Variants in DGKI observed in about 807,000 individuals in gnomAD.
DGKI encodes the protein DAG kinase iota.
In DGKI, 55 loss-of-function variants were observed where a neutral mutation model predicts 147.5. The ratio of observed to expected loss-of-function variants is 0.37; its 90% CI spans 0.30 to 0.47. DGKI has a LOEUF of 0.47. Among genes scored for constraint, DGKI ranks in the 20% least tolerant of loss-of-function variants. The pLI, the probability that DGKI is intolerant of heterozygous loss-of-function variation, is 1.00. For missense variants in DGKI, 1,007 were observed against 1,323.8 expected (o/e 0.76, Z 3.71); for synonymous variants, 469 against 477.1 (o/e 0.98, Z 0.22).
intron 22 of DGKI, 131 bp from the exon 23 acceptor site, chr7:137,485,549 A>C: frequency 1.4e-6 from 1 of 690,068 alleles, no homozygotes; most frequent in Non-Finnish European, 2.5e-6. Flanking sequence ...ACACACCCAA[A>C]TTCATAAAGG....
At chr7:137,647,240 A>T (rs1821857738) in intron 5 of DGKI, among the ~76,000 whole-genome samples, 2 of 152,198 alleles carry the variant, frequency 1.3e-5, no homozygotes, top group South Asian at 4.1e-4. Flanking sequence ...ATATATCAGT[A>T]AAATCCTATG....
intron 1 of DGKI, among the ~76,000 whole-genome samples, chr7:137,716,420 G>GT (rs1472606793): frequency 1.3e-5 from 2 of 152,198 alleles, no homozygotes; most frequent in African/African-American, 4.8e-5. Flanking sequence ...TTCTATTGCT[G>GT]TAACAACCTG....
chr7:137,542,044 G>A (rs10229086), intron 20 of DGKI, among the ~76,000 whole-genome samples: 9,061 of 152,164 alleles, frequency 0.06, 667 homozygotes, highest in African/African-American at 0.17. Context: ...AAGTTCACAG[G>A]AAGAAAACAA....
intron 6 of DGKI, among the ~76,000 whole-genome samples, chr7:137,639,016 C>G (rs1381741323): frequency 6.6e-6 from 1 of 152,134 alleles, no homozygotes; most frequent in Non-Finnish European, 1.5e-5. Flanking sequence ...ATGATCTCAT[C>G]TATCTGACAG....
intron 1 of DGKI, chr7:137,722,700 G>C: frequency 6.3e-7 from 1 of 1,580,102 alleles, no homozygotes; most frequent in Non-Finnish European, 8.7e-7. Flanking sequence ...CAGAAAAAGA[G>C]AAATATGAGA....
At chr7:137,604,398 C>T (rs543559981) in intron 10 of DGKI, among the ~76,000 whole-genome samples, 28 of 152,288 alleles carry the variant, frequency 1.8e-4, no homozygotes, top group African/African-American at 6.7e-4. Flanking sequence ...AATTTCTCAT[C>T]TGAAGTTATT....
At chr7:137,651,222 G>C (rs1303735545) in intron 5 of DGKI, among the ~76,000 whole-genome samples, 1 of 152,214 alleles carries the variant, frequency 6.6e-6, no homozygotes, top group Non-Finnish European at 1.5e-5. Context: ...TGGATTGAAA[G>C]TGACAACTGA....
intron 3 of DGKI, among the ~76,000 whole-genome samples, chr7:137,660,714 A>G (rs1252121117): frequency 6.6e-6 from 1 of 152,158 alleles, no homozygotes; most frequent in African/African-American, 2.4e-5. Flanking sequence ...TCCTTTGAGC[A>G]AGATATGTGA....
At chr7:137,559,677 T>G (rs1818351267) in intron 19 of DGKI, among the ~76,000 whole-genome samples, 1 of 152,082 alleles carries the variant, frequency 6.6e-6, no homozygotes. Flanking sequence ...TGAAAGTAGA[T>G]TCTAGTCACT....
intron 1 of DGKI, among the ~76,000 whole-genome samples, chr7:137,818,544 G>C (rs890227158): frequency 1.6e-4 from 24 of 152,036 alleles, no homozygotes; most frequent in African/African-American, 5.6e-4. Flanking sequence ...CAAGTAGCTG[G>C]GATTCTCCTA....
chr7:137,689,813 C>T (rs1454917295), intron 2 of DGKI, 81 bp downstream of exon 2: 2 of 999,556 alleles, frequency 2.0e-6, no homozygotes, highest in Non-Finnish European at 2.8e-6. Context: ...GCAAGTCTTC[C>T]TTGTAACTAG....
chr7:137,748,314 G>A (rs1421141263), intron 1 of DGKI, among the ~76,000 whole-genome samples: 6 of 145,804 alleles, frequency 4.1e-5, no homozygotes, highest in African/African-American at 7.6e-5. Flanking sequence ...CTGATCCCCC[G>A]AAAAACTTAT....
At chr7:137,549,986 A>C (rs1817990365) in intron 20 of DGKI, among the ~76,000 whole-genome samples, 1 of 152,212 alleles carries the variant, frequency 6.6e-6, no homozygotes, top group African/African-American at 2.4e-5. Context: ...TTTCACAAGT[A>C]CTAATAAAGA....
chr7:137,465,522 T>A (rs1324497451), intron 26 of DGKI, among the ~76,000 whole-genome samples: 3 of 152,206 alleles, frequency 2.0e-5, no homozygotes, highest in Non-Finnish European at 1.5e-5. Flanking sequence ...GTTATTATTA[T>A]ATAATCTACA....
Position 137,391,167 on chromosome 7 carries a change from G to T in DGKI, c.*53C>A. 1 of 1,333,448 alleles carries T rather than the reference G, an allele frequency of 7.5e-7. No homozygotes were observed. The highest frequency in any genetic ancestry group is 1.1e-6 in the Non-Finnish European group (1 of 925,466). The allele number at this position is 1,333,448 out of a possible 1,614,324, so 82.6% of individuals were successfully genotyped here. On this transcript the variant is annotated 3_prime_UTR_variant, in exon 33 of 33. Transcript: ENST00000614521. ...CTTCCAGGGGAGCTGCCCAATTGCA[G>T]GGAGGGCAGATGTGATACGCTTGCT... is the stretch of plus-strand genomic sequence containing the variant.
At chr7:137,600,326 A>G (rs910879031) in intron 10 of DGKI, among the ~76,000 whole-genome samples, 5 of 152,222 alleles carry the variant, frequency 3.3e-5, no homozygotes, top group Admixed American at 3.3e-4. Flanking sequence ...ATAGAAGAGT[A>G]GTTAAAATCA....
chr7:137,503,728 T>A (rs1313096187), intron 21 of DGKI, among the ~76,000 whole-genome samples: 1 of 152,196 alleles, frequency 6.6e-6, no homozygotes, highest in Admixed American at 6.5e-5. Context: ...TTGGTTCTTT[T>A]ACAATATAGT....
chr7:137,744,526 C>T (rs939372104), intron 1 of DGKI, among the ~76,000 whole-genome samples: 5 of 152,066 alleles, frequency 3.3e-5, no homozygotes, highest in Non-Finnish European at 7.4e-5. Context: ...AGGAGGGTCT[C>T]CTCCTAACTC....
intron 3 of DGKI, among the ~76,000 whole-genome samples, chr7:137,656,976 C>G (rs1239616378): frequency 1.3e-5 from 2 of 152,152 alleles, no homozygotes; most frequent in Non-Finnish European, 2.9e-5. Flanking sequence ...AAGTTGAAAA[C>G]AGGCATTCTT....
Sources: gnomAD v4.1 joint callset for allele counts (sites outside exome capture counted in the v4.1 genomes callset) on GRCh38, gnomAD v4.1.1 for gene constraint, MANE v1.5 for transcripts, NCBI Gene and HGNC (gene_info 2026-07-23, HGNC 2026-07-21) for gene names.